TMEM62: variants seen among roughly 807,000 people sequenced by gnomAD.
The protein encoded by TMEM62 is transmembrane protein 62.
TMEM62 carries 41 observed loss-of-function variants against 70.4 expected under a neutral mutation model. The observed-to-expected ratio is 0.58, with a 90% CI of 0.45 to 0.76. The LOEUF is 0.76. Among genes scored for constraint, TMEM62 ranks in the 30% least tolerant of loss-of-function variants. The probability of loss-of-function intolerance (pLI) is 0.00; values close to 1 mark genes in which losing one functional copy is unlikely to be tolerated. For synonymous variants in TMEM62, 268 were observed against 291.0 expected, an observed-to-expected ratio of 0.92 and a Z score of 0.80; for missense variants, 688 against 788.5, an observed-to-expected ratio of 0.87 and a Z score of 1.53.
At chr15:43,139,749 T>TCACGCCTGTTACCCTAGCACTTTGG (rs2035736284) in intron 4 of TMEM62, among the ~76,000 whole-genome samples, 2 of 152,162 alleles carry the variant, frequency 1.3e-5, no homozygotes, top group African/African-American at 4.8e-5. Context: ...CTATGAAGGC[T>TCACGCCTGTTACCCTAGCACTTTGG]GAGAGAGGTA....
At chr15:43,161,554 T>C (rs2038698652) in intron 10 of TMEM62, among the ~76,000 whole-genome samples, 1 of 152,236 alleles carries the variant, frequency 6.6e-6, no homozygotes, top group African/African-American at 2.4e-5. Context: ...CTATCCATTA[T>C]AACCATTGTA....
At chr15:43,179,687 A>G (rs1434348711) in intron 12 of TMEM62, 1 of 152,234 alleles carries the variant, frequency 6.6e-6, no homozygotes, top group Non-Finnish European at 1.5e-5. Context: ...CTTAGTGACT[A>G]AAAGTCAATT....
rs190584431 is a variant in TMEM62, at chr15:43,166,304, G to C, written c.1297-3289G>C. Among the ~76,000 whole-genome samples the C allele has an allele frequency of 5.4e-3, 824 of 152,258 alleles. 4 individuals carry two copies. Among genetic ancestry groups the C allele is most frequent in the Non-Finnish European group, 9.1e-3 (620 of 68,018 alleles). On this transcript the variant is annotated intron_variant, in intron 10 of 13. Transcript: ENST00000260403. ...TTGTTTTGGTGGCAGAGACAGAGTA[G>C]ACTGTGCTTACTTCGTTTTAACAAG...
At chr15:43,140,280 G>A (rs183368498) in intron 4 of TMEM62, among the ~76,000 whole-genome samples, 5 of 152,264 alleles carry the variant, frequency 3.3e-5, no homozygotes, top group East Asian at 1.9e-4. Context: ...GAACATGGCC[G>A]GCAGATCCAG....
At position 43,133,594 on chromosome 15, in the gene TMEM62, G is replaced by C; in HGVS notation, c.-209G>C. The C allele has an allele frequency of 2.7e-6, 1 of 377,340 alleles. No individual in the cohort carries two copies. Among genetic ancestry groups the C allele is most frequent in the African/African-American group, 2.1e-5 (1 of 47,868 alleles). The allele number at this position is 377,340 out of a possible 1,614,324, so 23.4% of individuals were successfully genotyped here. A position where few individuals can be genotyped will look rare whatever the true frequency, so the allele number is the denominator to read the frequency against. On this transcript the variant is annotated 5_prime_UTR_variant, in exon 1 of 14. Coordinates refer to ENST00000260403, the MANE Select transcript of TMEM62 (RefSeq NM_024956.4). The stretch of plus-strand genomic sequence containing the variant: ...GCAAAACGAGCCCAGTCACTTGCGC[G>C]GCCAGAGAGGGGCAGGTGCTGGGCG...
chr15:43,134,926 G>C (rs988747496), intron 2 of TMEM62, among the ~76,000 whole-genome samples: 1 of 152,142 alleles, frequency 6.6e-6, no homozygotes, highest in African/African-American at 2.4e-5. Flanking sequence ...TATCTATCTT[G>C]CTTACTGGGG....
chr15:43,175,357 G>A (rs1339872561), intron 11 of TMEM62, among the ~76,000 whole-genome samples: 2 of 152,182 alleles, frequency 1.3e-5, no homozygotes, highest in East Asian at 3.8e-4. Context: ...GCAAAGACAT[G>A]ACTTATTTAA....
intron 7 of TMEM62, 97 bp downstream of exon 7, chr15:43,149,248 G>T: frequency 7.7e-7 from 1 of 1,299,374 alleles, no homozygotes; most frequent in Non-Finnish European, 1.1e-6. Flanking sequence ...CACAGTTAAA[G>T]AAAAACTTGT....
At chr15:43,169,806 G>A (rs993860409) in intron 11 of TMEM62, 129 bp downstream of exon 11, 7 of 701,238 alleles carry the variant, frequency 1.0e-5, no homozygotes, top group Non-Finnish European at 1.6e-5. Flanking sequence ...ACAAACTCAA[G>A]AAGCCTTGAG....
chr15:43,163,953 A>G (rs969979066), intron 10 of TMEM62, among the ~76,000 whole-genome samples: 1 of 152,198 alleles, frequency 6.6e-6, no homozygotes, highest in Non-Finnish European at 1.5e-5. Flanking sequence ...TCTCCAGGTG[A>G]ATGACTTCTT....
At chr15:43,162,934 A>G (rs115299869) in intron 10 of TMEM62, among the ~76,000 whole-genome samples, 591 of 151,832 alleles carry the variant, frequency 3.9e-3, no homozygotes, top group African/African-American at 0.014. Flanking sequence ...ATACATAATT[A>G]CATAAATTAT....
chr15:43,158,861 T>C (rs1297694571), intron 9 of TMEM62, among the ~76,000 whole-genome samples: 1 of 152,192 alleles, frequency 6.6e-6, no homozygotes, highest in East Asian at 1.9e-4. Context: ...GTATTATAAA[T>C]TCAAAGTTTA....
intron 11 of TMEM62, among the ~76,000 whole-genome samples, chr15:43,176,723 C>T (rs376653477): frequency 1.3e-5 from 2 of 152,072 alleles, no homozygotes; most frequent in South Asian, 2.1e-4. Context: ...GATAAAACCA[C>T]AAAGATGGGG....
At chr15:43,140,706 C>G (rs749436313) in intron 4 of TMEM62, among the ~76,000 whole-genome samples, 3 of 152,176 alleles carry the variant, frequency 2.0e-5, no homozygotes, top group Non-Finnish European at 4.4e-5. Flanking sequence ...CAGGGTCTGC[C>G]CAATCTCAGT....
chr15:43,157,711 A>T (rs774070391), intron 9 of TMEM62, among the ~76,000 whole-genome samples: 1 of 152,242 alleles, frequency 6.6e-6, no homozygotes, highest in East Asian at 1.9e-4. Flanking sequence ...AAATATGTCA[A>T]TATTTATCAG....
chr15:43,183,841 T>C (rs2041622768), intron 13 of TMEM62, among the ~76,000 whole-genome samples: 2 of 152,214 alleles, frequency 1.3e-5, no homozygotes, highest in Admixed American at 6.5e-5. Context: ...CTCTAATTTA[T>C]ATTCCAGTAC....
intron 7 of TMEM62, among the ~76,000 whole-genome samples, chr15:43,151,319 G>GAAAAAAAAA (rs896405823): frequency 7.8e-4 from 41 of 52,758 alleles, no homozygotes; most frequent in African/African-American, 9.7e-4. Flanking sequence ...TCAAAAATAA[G>GAAAAAAAAA]AAAAAAAAAA....
intron 10 of TMEM62, among the ~76,000 whole-genome samples, chr15:43,162,455 G>GGA (rs752509058): frequency 8.7e-5 from 11 of 126,192 alleles, no homozygotes; most frequent in Non-Finnish European, 1.4e-4. Flanking sequence ...TTGTTGAGCT[G>GGA]GAGTCTCGCT....
rs147083399 is a variant in TMEM62, at chr15:43,140,175, C to T, written c.476+1556C>T. ...TCACTTTTTCCGCTTGTAGATTTTG[C>T]GCGCCAACCCCAGAAAGATGACTGG... On this transcript the variant is annotated intron_variant, in intron 4 of 13. Transcript: ENST00000260403. Among the ~76,000 whole-genome samples, 591 of 152,220 alleles carry T rather than the reference C, an allele frequency of 3.9e-3. 2 individuals carry two copies. Among genetic ancestry groups the T allele is most frequent in the African/African-American group, 0.014 (562 of 41,512 alleles).
Sources: gnomAD v4.1 joint callset for allele counts (sites outside exome capture counted in the v4.1 genomes callset) on GRCh38, gnomAD v4.1.1 for gene constraint, MANE v1.5 for transcripts, NCBI Gene and HGNC (gene_info 2026-07-23, HGNC 2026-07-21) for gene names.